OR2L2: variants seen among roughly 807,000 people sequenced by gnomAD.
The protein encoded by OR2L2 is olfactory receptor 2L2.
For synonymous variants in OR2L2, 156 were observed against 135.4 expected, an observed-to-expected ratio of 1.15 and a Z score of -1.06; for missense variants, 378 against 375.2, an observed-to-expected ratio of 1.01 and a Z score of -0.06.
At position 248,040,728 on chromosome 1, in the gene OR2L2, C is replaced by T. The variant is rs186637795; in HGVS notation, c.*1522C>T. On this transcript the variant is annotated 3_prime_UTR_variant, in exon 3 of 3. Coordinates refer to ENST00000641771, the MANE Select transcript of OR2L2 (RefSeq NM_001385855.1). Reference sequence around the variant, plus strand: ...ATGCTTATGTTATTTGTAAGGCTTGCTGTCAATAGTAGGATATCAGTAGTT... The same window carrying T: ...ATGCTTATGTTATTTGTAAGGCTTGTTGTCAATAGTAGGATATCAGTAGTT... 6.6e-6 allele frequency: 1 copy of T among 152,232 alleles called. No individual in the cohort carries two copies. The highest frequency in any genetic ancestry group is 1.9e-4 in the East Asian group (1 of 5,180). The allele number at this position is 152,232 out of a possible 1,614,324, so 9.4% of individuals were successfully genotyped here.
intron 1 of OR2L2, among the ~76,000 whole-genome samples, chr1:248,032,526 A>G (rs1273593345): frequency 6.6e-6 from 1 of 152,000 alleles, no homozygotes; most frequent in Admixed American, 6.6e-5. Flanking sequence ...CCCTTCCCCC[A>G]TCCCCAGGGG....
chr1:248,038,025 A>G (rs1558192805), intron 2 of OR2L2: 1 of 366,664 alleles, frequency 2.7e-6, no homozygotes, highest in Non-Finnish European at 4.9e-6. Context: ...ATTACAGTAT[A>G]TAGTTGTAAT....
chr1:248,039,002 T>G lies in OR2L2; in HGVS notation c.735T>G (p.Thr245=). The change falls in exon 3 of 3, where the codon ACT becomes ACG. Residue 245 remains threonine, a synonymous_variant. Coordinates refer to ENST00000641771, the MANE Select transcript of OR2L2 (RefSeq NM_001385855.1). The stretch of plus-strand genomic sequence containing the variant: ...ATTCAACCTGTAGCACCCACCTCAC[T>G]GTAGTGTCCTTCTACTATGCACCCT... ...KAYSTCSTHL[T]VVSFYYAPFA... 1 of 1,614,146 alleles carries G rather than the reference T, an allele frequency of 6.2e-7. No individual in the cohort carries two copies. The highest frequency in any genetic ancestry group is 2.2e-5 in the East Asian group (1 of 44,876).
At position 248,038,477 on chromosome 1, in the gene OR2L2, A is replaced by G. The variant is rs147981094; in HGVS notation, c.210A>G (p.Leu70=). ...FLLSQLSLID[L]NYISTIVPKM... ...TTAGTCAGCTCTCCCTCATTGACCT[A>G]AATTACATCTCCACCATTGTTCCAA... Residue 70 remains leucine, a synonymous_variant, in exon 3 of 3, where the codon CTA becomes CTG. Coordinates refer to ENST00000641771, the MANE Select transcript of OR2L2 (RefSeq NM_001385855.1). The G allele has an allele frequency of 1.2e-5, 20 of 1,613,728 alleles. No homozygotes were observed. The highest frequency in any genetic ancestry group is 9.3e-5 in the African/African-American group (7 of 74,888).
rs1235576353 is a variant in OR2L2 at position 248,038,867 on chromosome 1, G to A, written c.600G>A (p.Leu200=). The change falls in exon 3 of 3, where the codon TTG becomes TTA. Residue 200 remains leucine, a synonymous_variant. Transcript: ENST00000641771. ...GGGTCTATGAGAGCACAGTGTTTTT[G>A]AGCAGCACCATCTTTCTTGTGCTTC... The part of the protein sequence containing the change: ...DTWVYESTVF[L]SSTIFLVLPF... 1.2e-6 allele frequency: 2 copies of A among 1,614,004 alleles called. No homozygotes were observed. The highest frequency in any genetic ancestry group is 1.3e-5 in the African/African-American group (1 of 74,896).
rs1049109183 is a variant in OR2L2, at chr1:248,039,833, C to G, written c.*627C>G. 3.0e-4 allele frequency: 46 copies of G among 152,152 alleles called. No individual in the cohort carries two copies. The highest frequency in any genetic ancestry group is 1.1e-3 in the African/African-American group (45 of 41,490). 9.4% of individuals were successfully genotyped at this position (152,152 alleles called of 1,614,324 possible). The stretch of plus-strand genomic sequence containing the variant: ...ATTTACTCTCAACTGGTATGTATGT[C>G]TTCTTCTTTTTCTTAAAGTAATGTT... On this transcript the variant is annotated 3_prime_UTR_variant, in exon 3 of 3. Transcript: ENST00000641771.
rs1477546880 is a variant in OR2L2, at chr1:248,040,949, A to G, written c.*1743A>G. ...CAATTAAGCATTTAGAGTTTACTAG[A>G]GTACTGAATAATTTAAATTTTGACT... is the stretch of plus-strand genomic sequence containing the variant. On this transcript the variant is annotated 3_prime_UTR_variant, in exon 3 of 3. Coordinates refer to ENST00000641771, the MANE Select transcript of OR2L2 (RefSeq NM_001385855.1). The G allele has an allele frequency of 6.6e-6, 1 of 152,208 alleles. No individual in the cohort carries two copies. Among genetic ancestry groups the G allele is most frequent in the East Asian group, 1.9e-4 (1 of 5,198 alleles). The allele number at this position is 152,208 out of a possible 1,614,324, so 9.4% of individuals were successfully genotyped here.
chr1:248,038,987 T>C lies in OR2L2; in HGVS notation c.720T>C (p.Cys240=), dbSNP rs72763251. The C allele has an allele frequency of 0.012, 18,702 of 1,614,108 alleles. 127 individuals are homozygous for C. The highest frequency in any genetic ancestry group is 0.014 in the Non-Finnish European group (16,203 of 1,179,984). The change falls in exon 3 of 3, where the codon TGT becomes TGC. Residue 240 remains cysteine, a synonymous_variant. Coordinates refer to ENST00000641771, the MANE Select transcript of OR2L2 (RefSeq NM_001385855.1). ...GGAGGAAGAAGGCCTATTCAACCTGTAGCACCCACCTCACTGTAGTGTCCT... is the reference window on the plus strand; with the variant it reads ...GGAGGAAGAAGGCCTATTCAACCTGCAGCACCCACCTCACTGTAGTGTCCT... ...AEGRKKAYST[C]STHLTVVSFY... is the part of the protein sequence containing the mutation.
At chr1:248,034,623 T>C (rs1314204614) in intron 1 of OR2L2, among the ~76,000 whole-genome samples, 1 of 152,200 alleles carries the variant, frequency 6.6e-6, no homozygotes, top group African/African-American at 2.4e-5. Flanking sequence ...TGTATTTCCA[T>C]TTATCTGTGT....
chr1:248,038,063 G>T (rs1202918256), intron 2 of OR2L2, 184 bp from the exon 3 acceptor site: 1 of 455,696 alleles, frequency 2.2e-6, no homozygotes, highest in Non-Finnish European at 3.9e-6. Context: ...AGTTATTTTT[G>T]TTAATCTCTT....
rs1329985518 is a variant in OR2L2 at position 248,039,793 on chromosome 1, T to A, written c.*587T>A. On this transcript the variant is annotated 3_prime_UTR_variant, in exon 3 of 3. Coordinates refer to ENST00000641771, the MANE Select transcript of OR2L2 (RefSeq NM_001385855.1). ...GTTAAAATTACTGAATCTAATTGAA[T>A]ATTAAATAGTTTTTATTTACTCTCA... The A allele has an allele frequency of 6.6e-6, 1 of 152,232 alleles. No individual in the cohort carries two copies. The highest frequency in any genetic ancestry group is 2.4e-5 in the African/African-American group (1 of 41,458). The allele number at this position is 152,232 out of a possible 1,614,324, so 9.4% of individuals were successfully genotyped here.
intron 1 of OR2L2, among the ~76,000 whole-genome samples, chr1:248,033,357 C>G (rs1225602445): frequency 1.3e-5 from 2 of 152,142 alleles, no homozygotes. Context: ...ATTGAGTAAA[C>G]TTGGTTTGCT....
intron 1 of OR2L2, among the ~76,000 whole-genome samples, chr1:248,033,751 C>T (rs546635781): frequency 6.5e-4 from 99 of 151,810 alleles, no homozygotes; most frequent in Admixed American, 1.6e-3. Flanking sequence ...CCTCTCTTTT[C>T]TTCTATTGTT....
rs1047459026 is a variant in OR2L2, at chr1:248,032,811, G to A, written c.-97+2576G>A. ...TATTGTGAATACTGCTGCTGTGAACGTGGGCATATAAGTATGTTTTTGTGT... is the reference window on the plus strand; with the variant it reads ...TATTGTGAATACTGCTGCTGTGAACATGGGCATATAAGTATGTTTTTGTGT... On this transcript the variant is annotated intron_variant, in intron 1 of 2. Transcript: ENST00000641771. Among the ~76,000 whole-genome samples the A allele has an allele frequency of 5.3e-5, 8 of 152,058 alleles. No homozygotes were observed. In the East Asian group the frequency reaches 1.3e-3, roughly 26 times the overall value.
intron 2 of OR2L2, among the ~76,000 whole-genome samples, chr1:248,037,637 C>A (rs1662800600): frequency 6.6e-6 from 1 of 152,144 alleles, no homozygotes; most frequent in African/African-American, 2.4e-5. Context: ...ATGAGTTCAT[C>A]ATTTAAGTGT....
Position 248,038,745 on chromosome 1 carries a change from G to A in OR2L2, c.478G>A (p.Val160Ile), listed in dbSNP as rs146509597. 2.0e-3 allele frequency: 3,221 copies of A among 1,614,180 alleles called. 9 individuals carry two copies. Among genetic ancestry groups the A allele is most frequent in the Non-Finnish European group, 2.5e-3 (2,962 of 1,180,014 alleles). Residue 160 changes from valine to isoleucine, a missense_variant, in exon 3 of 3, where the codon GTA (valine) becomes ATA (isoleucine). Coordinates refer to ENST00000641771, the MANE Select transcript of OR2L2 (RefSeq NM_001385855.1). ...ISSINSCAHT[V>I]YALCIPYCKS... ...CTCTATCAACTCTTGTGCTCACACAGTATATGCACTCTGTATCCCATATTG... is the reference window on the plus strand; with the variant it reads ...CTCTATCAACTCTTGTGCTCACACAATATATGCACTCTGTATCCCATATTG...
chr1:248,041,285 C>T lies in OR2L2; in HGVS notation c.*2079C>T, dbSNP rs1015423572. Reference sequence around the variant, plus strand: ...AGGATTCCCTATTTAATAAATGGTGCTGGGAAAACTGGCTAGCCATATGTA... The same window carrying T: ...AGGATTCCCTATTTAATAAATGGTGTTGGGAAAACTGGCTAGCCATATGTA... On this transcript the variant is annotated 3_prime_UTR_variant, in exon 3 of 3. Coordinates refer to ENST00000641771, the MANE Select transcript of OR2L2 (RefSeq NM_001385855.1). The T allele has an allele frequency of 6.6e-6, 1 of 152,032 alleles. No individual in the cohort carries two copies. Among genetic ancestry groups the T allele is most frequent in the Non-Finnish European group, 1.5e-5 (1 of 68,004 alleles). 9.4% of individuals were successfully genotyped at this position (152,032 alleles called of 1,614,324 possible). A position where few individuals can be genotyped will look rare whatever the true frequency, so the allele number is the denominator to read the frequency against.
In OR2L2 at chr1:248,038,534, G is replaced by C; in HGVS notation, c.267G>C (p.Lys89Asn). 6.2e-7 allele frequency: 1 copy of C among 1,614,186 alleles called. No individual in the cohort carries two copies. Among genetic ancestry groups the C allele is most frequent in the Non-Finnish European group, 8.5e-7 (1 of 1,180,030 alleles). ...TTTATGATTTTCTGTATGGAAACAAGTCTATCTCCTTCACTGGATGTGGGA... is the reference window on the plus strand; with the variant it reads ...TTTATGATTTTCTGTATGGAAACAACTCTATCTCCTTCACTGGATGTGGGA... ...KMVYDFLYGN[K>N]SISFTGCGIQ... The change falls in exon 3 of 3, where the codon AAG becomes AAC. Residue 89 changes from lysine to asparagine, a missense_variant. Physicochemically the swap from Lys to Asn is moderately conservative, Grantham distance 94. Transcript: ENST00000641771.
intron 2 of OR2L2, among the ~76,000 whole-genome samples, chr1:248,036,415 T>A (rs990625933): frequency 3.9e-5 from 6 of 152,218 alleles, no homozygotes; most frequent in African/African-American, 1.4e-4. Context: ...ATCATAGACA[T>A]CTTCATTCCT....
Sources: gnomAD v4.1 joint callset for allele counts (sites outside exome capture counted in the v4.1 genomes callset) on GRCh38, gnomAD v4.1.1 for gene constraint, MANE v1.5 for transcripts, NCBI Gene and HGNC (gene_info 2026-07-23, HGNC 2026-07-21) for gene names.